The following TRAFD1 variants were observed in gnomAD, a reference collection of about 807,000 sequenced individuals.
TRAFD1 encodes the protein TRAF-type zinc finger domain containing 1, also known as TRAF-type zinc finger domain-containing protein 1.
A neutral mutation model predicts 65.3 loss-of-function variants in TRAFD1; 38 were observed. That is an observed-to-expected ratio of 0.58 (90% CI 0.45 to 0.76). TRAFD1 has a LOEUF of 0.76. TRAFD1 is among the 30% of genes least tolerant of loss of function. The pLI, the probability that TRAFD1 is intolerant of heterozygous loss-of-function variation, is 0.00. For synonymous variants in TRAFD1, 223 were observed against 257.2 expected (o/e 0.87, Z 1.27); for missense variants, 631 against 712.6 (o/e 0.89, Z 1.30).
chr12:112,149,166 C>T (rs1257196361), intron 8 of TRAFD1, among the ~76,000 whole-genome samples: 10 of 150,562 alleles, frequency 6.6e-5, no homozygotes, highest in Admixed American at 4.0e-4. Context: ...TGCAGTGAGC[C>T]GAGATCACAC....
chr12:112,134,822 ACCATTTC>A lies in TRAFD1; in HGVS notation c.136_142del (p.Phe46AsnfsTer15), dbSNP rs1225252300. On this transcript the variant is annotated frameshift_variant, in exon 3 of 12. Transcript: ENST00000412615. LOFTEE classifies it high-confidence loss of function. The stretch of plus-strand genomic sequence containing the variant: ...TTGGTATGTGTCCTACCTGTAAGGA[ACCATTTC>A]CCAAATCTGACATGGAGACTCACAT... 6.2e-7 allele frequency: 1 copy of A among 1,613,694 alleles called. No individual in the cohort carries two copies. Among genetic ancestry groups the A allele is most frequent in the Non-Finnish European group, 8.5e-7 (1 of 1,179,666 alleles).
At chr12:112,143,729 GTTTT>G (rs869247106) in intron 6 of TRAFD1, among the ~76,000 whole-genome samples, 7 of 121,758 alleles carry the variant, frequency 5.7e-5, no homozygotes, top group Admixed American at 3.5e-4. Flanking sequence ...TCCCGCTTTG[GTTTT>G]TTTTTTTTTT....
chr12:112,128,300 C>G lies in TRAFD1; in HGVS notation c.-12-2211C>G, dbSNP rs531779498. ...GGATTACAGGCATGAGCCACTGGAC[C>G]CAGCCTCAAAGTATTGTCTTAATTA... On this transcript the variant is annotated intron_variant, in intron 1 of 11. Coordinates refer to ENST00000412615, the MANE Select transcript of TRAFD1 (RefSeq NM_006700.3). Among the ~76,000 whole-genome samples, 10 of 152,266 alleles carry G rather than the reference C, an allele frequency of 6.6e-5. No homozygotes were observed. In the South Asian group the frequency reaches 1.9e-3, roughly 28 times the overall value.
At chr12:112,151,743 C>T (rs2030411736) in intron 9 of TRAFD1, 58 bp from the exon 10 acceptor site, 1 of 1,516,784 alleles carries the variant, frequency 6.6e-7, no homozygotes, top group South Asian at 1.3e-5. Flanking sequence ...TGCCCTAAAC[C>T]TGGCACTATA....
Position 112,127,574 on chromosome 12 carries a change from G to A in TRAFD1, c.-13+1956G>A, listed in dbSNP as rs140236579. Among the ~76,000 whole-genome samples, 765 of 151,808 alleles carry A rather than the reference G, an allele frequency of 5.0e-3. 3 individuals are homozygous for A. The highest frequency in any genetic ancestry group is 0.015 in the South Asian group (74 of 4,804). The stretch of plus-strand genomic sequence containing the variant: ...GACCTCCTGGGCTCAAGCCTCCCAA[G>A]TAGCTGGGACTACCTCAGCCTCCCA... On this transcript the variant is annotated intron_variant, in intron 1 of 11. Coordinates refer to ENST00000412615, the MANE Select transcript of TRAFD1 (RefSeq NM_006700.3).
At chr12:112,133,346 T>C (rs561123474) in intron 2 of TRAFD1, 1 of 152,338 alleles carries the variant, frequency 6.6e-6, no homozygotes, top group South Asian at 2.1e-4. Flanking sequence ...AGGAGACAAT[T>C]TCCCCTTCCC....
chr12:112,148,069 G>T lies in TRAFD1; in HGVS notation c.928-5G>T. 1 of 1,602,048 alleles carries T rather than the reference G, an allele frequency of 6.2e-7. No homozygotes were observed. The highest frequency in any genetic ancestry group is 1.1e-5 in the South Asian group (1 of 89,622). ...TGTTTTTAACCTATATTTTTTGAAT[G>T]ACAGACAAGCTGTAACCCTTCACGT... On this transcript the variant is annotated splice_region_variant and splice_polypyrimidine_tract_variant and intron_variant, in intron 7 of 11. Coordinates refer to ENST00000412615, the MANE Select transcript of TRAFD1 (RefSeq NM_006700.3).
intron 9 of TRAFD1, 51 bp from the exon 10 acceptor site, chr12:112,151,750 T>G (rs769961701): frequency 6.5e-7 from 1 of 1,549,424 alleles, no homozygotes; most frequent in Non-Finnish European, 8.8e-7. Context: ...AACCTGGCAC[T>G]ATAGCCAGAG....
intron 1 of TRAFD1, among the ~76,000 whole-genome samples, chr12:112,126,301 C>T (rs1226672213): frequency 6.6e-6 from 1 of 152,094 alleles, no homozygotes; most frequent in Non-Finnish European, 1.5e-5. Context: ...AGGGACGGTC[C>T]CCTCTGCGGA....
At position 112,135,032 on chromosome 12, in the gene TRAFD1, A is replaced by T. The variant is rs756327435; in HGVS notation, c.203A>T (p.Lys68Met). ...CTCTAGGTGACCTGCAAATGTAACA[A>T]GAAGTTGGAGAAGAGGCTGTTAAAG... ...EHCQVTCKCN[K>M]KLEKRLLKKH... The change falls in exon 4 of 12, where the codon AAG becomes ATG. Residue 68 changes from lysine to methionine, a missense_variant. Coordinates refer to ENST00000412615, the MANE Select transcript of TRAFD1 (RefSeq NM_006700.3). 6.2e-7 allele frequency: 1 copy of T among 1,614,228 alleles called. No homozygotes were observed. The highest frequency in any genetic ancestry group is 8.5e-7 in the Non-Finnish European group (1 of 1,180,044).
At position 112,140,852 on chromosome 12, in the gene TRAFD1, C is replaced by A. The variant is rs2030066958; in HGVS notation, c.271C>A (p.Gln91Lys). The change falls in exon 5 of 12, where the codon CAG becomes AAG. Residue 91 changes from glutamine to lysine, a missense_variant. By Grantham distance (53) the Gln-to-Lys change is moderately conservative (BLOSUM62 1). Coordinates refer to ENST00000412615, the MANE Select transcript of TRAFD1 (RefSeq NM_006700.3). ...TECPLRLAVCQHCDLELSILK... is the reference protein window; with the variant it reads ...TECPLRLAVCKHCDLELSILK... ...GTGCCCTTTGCGGCTTGCTGTCTGC[C>A]AGCACTGTGATTTAGAACTTTCCAT... 1 of 1,614,102 alleles carries A rather than the reference C, an allele frequency of 6.2e-7. No homozygotes were observed. The highest frequency in any genetic ancestry group is 1.1e-5 in the South Asian group (1 of 91,078).
chr12:112,148,229 T>C lies in TRAFD1; in HGVS notation c.1083T>C (p.Pro361=). Residue 361 remains proline (P), a synonymous_variant, in exon 8 of 12, where the codon CCT becomes CCC. Transcript: ENST00000412615. ...TGATGGGCCTGAGCAATTCACACCC[T>C]GTGGAGGAGAGCATCATTATCCCAT... ...DSLMGLSNSH[P]VEESIIIPCE... 1 of 1,614,140 alleles carries C rather than the reference T, an allele frequency of 6.2e-7. No individual in the cohort carries two copies. The highest frequency in any genetic ancestry group is 8.5e-7 in the Non-Finnish European group (1 of 1,180,006).
At chr12:112,131,850 T>A (rs1053238802) in intron 2 of TRAFD1, among the ~76,000 whole-genome samples, 1 of 152,238 alleles carries the variant, frequency 6.6e-6, no homozygotes, top group Non-Finnish European at 1.5e-5. Context: ...ATCTTTTTTA[T>A]TTCAGCATTT....
Position 112,140,845 on chromosome 12 carries a change from T to C in TRAFD1, c.264T>C (p.Ala88=). The change falls in exon 5 of 12, where the codon GCT becomes GCC. Residue 88 remains alanine (A), a synonymous_variant. Coordinates refer to ENST00000412615, the MANE Select transcript of TRAFD1 (RefSeq NM_006700.3). ...HEETECPLRL[A]VCQHCDLELS... ...AGACTGAGTGCCCTTTGCGGCTTGC[T>C]GTCTGCCAGCACTGTGATTTAGAAC... The C allele has an allele frequency of 6.2e-7, 1 of 1,614,136 alleles. No individual in the cohort carries two copies. The highest frequency in any genetic ancestry group is 8.5e-7 in the Non-Finnish European group (1 of 1,179,968).
At chr12:112,140,376 C>T (rs186990829) in intron 4 of TRAFD1, among the ~76,000 whole-genome samples, 5 of 148,168 alleles carry the variant, frequency 3.4e-5, no homozygotes, top group South Asian at 2.1e-4. Flanking sequence ...GCCAAGATTG[C>T]GCCATTGCAC....
rs1244513725 is a variant in TRAFD1, at chr12:112,142,071, T to C, written c.644-18T>C. The C allele has an allele frequency of 3.7e-6, 6 of 1,610,856 alleles. No homozygotes were observed. In the South Asian group the frequency reaches 4.4e-5, roughly 12 times the overall value. ...ATTTCTAATGTATCCTGAATGTTGGTTGGTTTTTTTTTTTCAGTTGAAGAA... is the reference window on the plus strand; with the variant it reads ...ATTTCTAATGTATCCTGAATGTTGGCTGGTTTTTTTTTTTCAGTTGAAGAA... On this transcript the variant is annotated intron_variant, in intron 5 of 11. Transcript: ENST00000412615.
chr12:112,141,066 T>C lies in TRAFD1; in HGVS notation c.485T>C (p.Ile162Thr). 3 of 1,614,204 alleles carry C rather than the reference T, an allele frequency of 1.9e-6. No homozygotes were observed. The highest frequency in any genetic ancestry group is 2.5e-6 in the Non-Finnish European group (3 of 1,180,022). Residue 162 changes from isoleucine (I) to threonine (T), a missense_variant, in exon 5 of 12, where the codon ATC becomes ACC. Coordinates refer to ENST00000412615, the MANE Select transcript of TRAFD1 (RefSeq NM_006700.3). ...GATGAATCTTGGGGTCAGGATGGAA[T>C]CTGGATTGCATCCCAACTCCTCAGA... Reference protein sequence around the residue: ...AYDESWGQDGIWIASQLLRQI... With the variant: ...AYDESWGQDGTWIASQLLRQI...
chr12:112,126,115 C>T (rs1055790547), intron 1 of TRAFD1: 10 of 152,246 alleles, frequency 6.6e-5, no homozygotes, highest in African/African-American at 1.2e-4. Flanking sequence ...ACTTTCACCT[C>T]TTAGGATTGT....
chr12:112,145,398 G>T (rs528260238), intron 6 of TRAFD1, among the ~76,000 whole-genome samples, 188 bp from the exon 7 acceptor site: 1 of 152,284 alleles, frequency 6.6e-6, no homozygotes, highest in South Asian at 2.1e-4. Context: ...TTTTGTCATG[G>T]AAGTTTTGGC....
Sources: allele counts gnomAD v4.1 joint callset (sites outside exome capture counted in the v4.1 genomes callset), GRCh38; gene constraint gnomAD v4.1.1; transcripts MANE v1.5; gene names NCBI Gene and HGNC (gene_info 2026-07-23, HGNC 2026-07-21).